The following VPS37B variants were observed in gnomAD, a reference collection of about 807,000 sequenced individuals.
The protein encoded by VPS37B is VPS37B subunit of ESCRT-I.
VPS37B carries 11 observed loss-of-function variants against 21.2 expected under a neutral mutation model. The ratio of observed to expected loss-of-function variants is 0.52; its 90% CI spans 0.33 to 0.86. The LOEUF is 0.86. Ranked by LOEUF, VPS37B falls within the 40% of genes least tolerant of loss-of-function variation. The pLI, the probability that VPS37B is intolerant of heterozygous loss-of-function variation, is 0.03. For missense variants in VPS37B, 389 were observed against 374.8 expected (o/e 1.04, Z -0.31); for synonymous variants, 175 against 159.6 (o/e 1.10, Z -0.73).
At chr12:122,869,514 G>A (rs546503811) in intron 2 of VPS37B, among the ~76,000 whole-genome samples, 22 of 152,358 alleles carry the variant, frequency 1.4e-4, no homozygotes, top group African/African-American at 5.3e-4. Context: ...TGGTTTGGGT[G>A]TATGATCGTA....
At chr12:122,894,718 A>G (rs1380576971) in intron 1 of VPS37B, among the ~76,000 whole-genome samples, 1 of 152,218 alleles carries the variant, frequency 6.6e-6, no homozygotes, top group Non-Finnish European at 1.5e-5. Context: ...GTTGAGAGAA[A>G]GGGAGCACAC....
At chr12:122,885,944 A>G (rs1271814716) in intron 1 of VPS37B, 4 of 151,846 alleles carry the variant, frequency 2.6e-5, no homozygotes, top group South Asian at 2.1e-4. Flanking sequence ...CGGCCTCCCA[A>G]AGTGCTGGGA....
Position 122,867,140 on chromosome 12 carries a change from G to A in VPS37B, c.834C>T (p.His278=), listed in dbSNP as rs201973753. Residue 278 remains histidine, a synonymous_variant, in exon 4 of 4, where the codon CAC becomes CAT. Coordinates refer to ENST00000267202, the MANE Select transcript of VPS37B (RefSeq NM_024667.3). The surrounding 1 kb of genome is among the most constrained non-coding windows in gnomAD (Gnocchi z 5.5). ...CTCACTGGAGGATGAAACCCGGCTG[G>A]TGTGGAGGGAGCCGGGGCGGGGGTC... ...PQRPPPRLPP[H]QPGFILQ 1.3e-6 allele frequency: 2 copies of A among 1,540,116 alleles called. No individual in the cohort carries two copies. The highest frequency in any genetic ancestry group is 1.9e-4 in the Middle Eastern group (1 of 5,360).
chr12:122,871,020 G>A lies in VPS37B; in HGVS notation c.153C>T (p.Ser51=), dbSNP rs2034020836. The change falls in exon 2 of 4, where the codon AGC becomes AGT. Residue 51 remains serine (S), a synonymous_variant. Coordinates refer to ENST00000267202, the MANE Select transcript of VPS37B (RefSeq NM_024667.3). The stretch of plus-strand genomic sequence containing the variant: ...GGTTTCCTTCTGCCAGGCTCCGGTT[G>A]CTGGCAAGTGTCATTTCTTTGTTAA... ...VQLNKEMTLA[S]NRSLAEGNLL... The A allele has an allele frequency of 6.2e-7, 1 of 1,614,220 alleles. No homozygotes were observed. The highest frequency in any genetic ancestry group is 8.5e-7 in the Non-Finnish European group (1 of 1,180,032).
intron 1 of VPS37B, among the ~76,000 whole-genome samples, chr12:122,893,442 C>A (rs1290214399): frequency 6.8e-6 from 1 of 147,660 alleles, no homozygotes; most frequent in Non-Finnish European, 1.5e-5. Context: ...TGTTCTTTAA[C>A]ACGCCATCAC....
chr12:122,891,137 A>G (rs2034405553), intron 1 of VPS37B, among the ~76,000 whole-genome samples: 2 of 152,370 alleles, frequency 1.3e-5, no homozygotes, highest in African/African-American at 4.8e-5. Context: ...AAAAGACTAA[A>G]TACTTGTCAA....
intron 1 of VPS37B, chr12:122,888,644 C>G (rs538353299): frequency 2.2e-6 from 1 of 455,610 alleles, no homozygotes; most frequent in African/African-American, 2.0e-5. Context: ...CGGTGAGGGT[C>G]AAACAGTGCA....
Position 122,867,397 on chromosome 12 carries a change from C to T in VPS37B, c.577G>A (p.Ala193Thr). 1 of 1,506,728 alleles carries T rather than the reference C, an allele frequency of 6.6e-7. No individual in the cohort carries two copies. Among genetic ancestry groups the T allele is most frequent in the Non-Finnish European group, 8.8e-7 (1 of 1,137,430 alleles). 93.3% of individuals were successfully genotyped at this position (1,506,728 alleles called of 1,614,324 possible). ...GCAGGAGGCCCACTGGCCTCTGGGG[C>T]AGGGTAGGGAAGGGGGGCGGTAGGT... Reference protein sequence around the residue: ...LAPTAPLPYPAPEASGPPAVA... With the variant: ...LAPTAPLPYPTPEASGPPAVA... Residue 193 changes from alanine to threonine, a missense_variant, in exon 4 of 4, where the codon GCC becomes ACC. Ala to Thr is a moderately conservative substitution (Grantham distance 58). Coordinates refer to ENST00000267202, the MANE Select transcript of VPS37B (RefSeq NM_024667.3). This position sits in a 1 kb window ranked among gnomAD's most constrained non-coding sequence, Gnocchi z 5.5.
intron 1 of VPS37B, chr12:122,887,453 A>G (rs2034345357): frequency 6.6e-6 from 1 of 152,258 alleles, no homozygotes; most frequent in African/African-American, 2.4e-5. Context: ...AGCAATACTT[A>G]TAATATTCCT....
At chr12:122,893,110 C>T (rs1022506343) in intron 1 of VPS37B, among the ~76,000 whole-genome samples, 1 of 151,084 alleles carries the variant, frequency 6.6e-6, no homozygotes, top group Non-Finnish European at 1.5e-5. Context: ...AATTGCAAAT[C>T]ATAATTTACT....
chr12:122,893,392 G>A (rs144609114), intron 1 of VPS37B, among the ~76,000 whole-genome samples: 33 of 152,234 alleles, frequency 2.2e-4, no homozygotes, highest in South Asian at 2.1e-3. Context: ...GCTGGGAAGC[G>A]GCCAAGTCCA....
In VPS37B at chr12:122,870,895, T is replaced by C; in HGVS notation, c.278A>G (p.Lys93Arg). ...GATCACCCTTAAAAAGTTACCTAAT[T>C]TGGTCTTCTTTATCTGATAGGCTTC... ...LFEAYQIKKTKLDRQSSSASL... is the reference protein window; with the variant it reads ...LFEAYQIKKTRLDRQSSSASL... The change falls in exon 2 of 4, where the codon AAA becomes AGA. Residue 93 changes from lysine (K) to arginine (R), a missense_variant. By Grantham distance (26) the Lys-to-Arg change is conservative. Coordinates refer to ENST00000267202, the MANE Select transcript of VPS37B (RefSeq NM_024667.3). The C allele has an allele frequency of 6.2e-7, 1 of 1,611,910 alleles. No homozygotes were observed. Among genetic ancestry groups the C allele is most frequent in the South Asian group, 1.1e-5 (1 of 90,654 alleles).
rs767844133 is a variant in VPS37B, at chr12:122,866,276, T to C, written c.*840A>G. 6.6e-6 allele frequency: 1 copy of C among 152,638 alleles called. No individual in the cohort carries two copies. Among genetic ancestry groups the C allele is most frequent in the African/African-American group, 2.4e-5 (1 of 41,458 alleles). The allele number at this position is 152,638 out of a possible 1,614,324, so 9.5% of individuals were successfully genotyped here. On this transcript the variant is annotated 3_prime_UTR_variant, in exon 4 of 4. Transcript: ENST00000267202. ...CGGCATTTCGATCTGCTCAAGACAG[T>C]ATCTGCATTTTTTATAAAATTTCCC...
intron 1 of VPS37B, chr12:122,888,628 A>ACCGACC (rs1294985263): frequency 4.4e-6 from 2 of 455,778 alleles, no homozygotes; most frequent in African/African-American, 4.0e-5. Context: ...TCTGCATACG[A>ACCGACC]CCGACCGGTG....
Position 122,867,295 on chromosome 12 carries a change from T to C in VPS37B, c.679A>G (p.Met227Val), listed in dbSNP as rs1475121878. 13 of 1,287,662 alleles carry C rather than the reference T, an allele frequency of 1.0e-5. No homozygotes were observed. The African/African-American group carries it at 1.6e-4, about 16-fold the overall frequency. 79.8% of individuals were successfully genotyped at this position (1,287,662 alleles called of 1,614,324 possible). ...GRLATPFTAA[M>V]SSGQAVPYPG... ...TACGGCACGGCCTGTCCCGAACTCA[T>C]GGCCGCAGTAAACGGGGTGGCTAAG... is the stretch of plus-strand genomic sequence containing the variant. Residue 227 changes from methionine (M) to valine (V), a missense_variant, in exon 4 of 4, where the codon ATG becomes GTG. By Grantham distance (21) the Met-to-Val change is conservative. Coordinates refer to ENST00000267202, the MANE Select transcript of VPS37B (RefSeq NM_024667.3). This position sits in a 1 kb window ranked among gnomAD's most constrained non-coding sequence, Gnocchi z 5.5.
Position 122,867,166 on chromosome 12 carries a change from T to C in VPS37B, c.808A>G (p.Arg270Gly). Residue 270 changes from arginine (R) to glycine (G), a missense_variant, in exon 4 of 4, where the codon AGA becomes GGA. Coordinates refer to ENST00000267202, the MANE Select transcript of VPS37B (RefSeq NM_024667.3). The surrounding 1 kb of genome is among the most constrained non-coding windows in gnomAD (Gnocchi z 5.5). ...TGTGGAGGGAGCCGGGGCGGGGGTC[T>C]CTGAGGGAGAGGTGGCGGATATGGG... is the stretch of plus-strand genomic sequence containing the variant. ...VSPYPPPLPQ[R>G]PPPRLPPHQP... 2 of 1,556,350 alleles carry C rather than the reference T, an allele frequency of 1.3e-6. No individual in the cohort carries two copies. The highest frequency in any genetic ancestry group is 1.7e-6 in the Non-Finnish European group (2 of 1,156,822).
chr12:122,881,644 G>A (rs1384580864), intron 1 of VPS37B: 1 of 152,234 alleles, frequency 6.6e-6, no homozygotes, highest in Non-Finnish European at 1.5e-5. Flanking sequence ...GGGAGGCTGA[G>A]GAAGGAGGCT....
At chr12:122,873,866 C>T (rs536951132) in intron 1 of VPS37B, 44 of 152,362 alleles carry the variant, frequency 2.9e-4, no homozygotes, top group African/African-American at 1.0e-3. Flanking sequence ...ACATCTGCCA[C>T]TCAGTGAAGA....
chr12:122,875,374 C>G (rs1235789818), intron 1 of VPS37B: 1 of 151,984 alleles, frequency 6.6e-6, no homozygotes, highest in Non-Finnish European at 1.5e-5. Context: ...CACACCCAGA[C>G]AAATACAGTA....
Sources: allele counts gnomAD v4.1 joint callset (sites outside exome capture counted in the v4.1 genomes callset), GRCh38; gene constraint gnomAD v4.1.1; non-coding constraint Gnocchi (gnomAD v3.1); transcripts MANE v1.5; gene names NCBI Gene and HGNC (gene_info 2026-07-23, HGNC 2026-07-21).